Variants in CYP39A1 observed in about 807,000 individuals in gnomAD.
The protein encoded by CYP39A1 is cytochrome P450 family 39 subfamily A member 1.
Under a neutral mutation model 58.1 loss-of-function variants are expected in CYP39A1, and 49 were observed. The ratio of observed to expected loss-of-function variants is 0.84; its 90% CI spans 0.67 to 1.07. The LOEUF is 1.07. CYP39A1 is among the 50% of genes least tolerant of loss of function. CYP39A1 has a pLI of 0.00. For synonymous variants in CYP39A1, 209 were observed against 187.6 expected (o/e 1.11, Z -0.93); for missense variants, 531 against 539.4 (o/e 0.98, Z 0.16).
chr6:46,573,782 A>G (rs1223810878), intron 10 of CYP39A1, among the ~76,000 whole-genome samples: 1 of 152,208 alleles, frequency 6.6e-6, no homozygotes, highest in Non-Finnish European at 1.5e-5. Flanking sequence ...AGTGTCTGAG[A>G]CAGGCATTTG....
chr6:46,637,641 A>G (rs1776070379), intron 4 of CYP39A1, among the ~76,000 whole-genome samples, 188 bp downstream of exon 4: 1 of 152,222 alleles, frequency 6.6e-6, no homozygotes, highest in African/African-American at 2.4e-5. Flanking sequence ...TCATCACAAT[A>G]AGAAAAGCAT....
rs1197420064 is a variant in CYP39A1, at chr6:46,642,166, T to C, written c.310A>G (p.Thr104Ala). 3 of 1,612,544 alleles carry C rather than the reference T, an allele frequency of 1.9e-6. No individual in the cohort carries two copies. The highest frequency in any genetic ancestry group is 2.7e-5 in the African/African-American group (2 of 74,852). The change falls in exon 2 of 12, where the codon ACA becomes GCA. Residue 104 changes from threonine (T) to alanine (A), a missense_variant. Transcript: ENST00000275016. ...ELAVQNIVYR[T>A]ASIPKNVFLA... ...ACTATCTGAAAATATTCTTTACCTG[T>C]ACGATAAACGATATTTTGCACTGCT...
chr6:46,610,100 T>C (rs911482447), intron 7 of CYP39A1, among the ~76,000 whole-genome samples: 1 of 152,168 alleles, frequency 6.6e-6, no homozygotes, highest in Non-Finnish European at 1.5e-5. Context: ...GTAGATCGTT[T>C]GGGAAATTTT....
intron 7 of CYP39A1, among the ~76,000 whole-genome samples, chr6:46,619,632 G>A (rs1774834871): frequency 6.6e-6 from 1 of 152,000 alleles, no homozygotes; most frequent in Non-Finnish European, 1.5e-5. Flanking sequence ...AAGAGTTCCA[G>A]GCACAGGAAT....
At chr6:46,608,025 G>A (rs1316873892) in intron 7 of CYP39A1, among the ~76,000 whole-genome samples, 1 of 152,126 alleles carries the variant, frequency 6.6e-6, no homozygotes, top group African/African-American at 2.4e-5. Context: ...ATATACATGA[G>A]ATAATAGATG....
intron 6 of CYP39A1, among the ~76,000 whole-genome samples, chr6:46,626,091 GA>G (rs553640812): frequency 4.6e-5 from 7 of 151,374 alleles, no homozygotes; most frequent in Admixed American, 2.0e-4. Flanking sequence ...GTAAATAAAA[GA>G]AAAAAAATTT....
intron 7 of CYP39A1, among the ~76,000 whole-genome samples, chr6:46,621,556 G>T (rs944835706): frequency 1.3e-5 from 2 of 152,030 alleles, no homozygotes; most frequent in Non-Finnish European, 2.9e-5. Context: ...CAACAAATTA[G>T]ATAATCTAGA....
rs143112956 is a variant in CYP39A1 at position 46,615,476 on chromosome 6, T to C, written c.931+9942A>G. Among the ~76,000 whole-genome samples, 314 of 152,214 alleles carry C rather than the reference T, an allele frequency of 2.1e-3. 2 individuals are homozygous for C. Among genetic ancestry groups the C allele is most frequent in the African/African-American group, 7.4e-3 (307 of 41,548 alleles). On this transcript the variant is annotated intron_variant, in intron 7 of 11. Coordinates refer to ENST00000275016, the MANE Select transcript of CYP39A1 (RefSeq NM_016593.5). ...CTCATGATACTTCAAACTTGTCTAA[T>C]GACAGTTTTTTAAAACAGTGCAATA...
chr6:46,566,646 C>G (rs1771297425), intron 10 of CYP39A1, among the ~76,000 whole-genome samples: 1 of 151,900 alleles, frequency 6.6e-6, no homozygotes, highest in South Asian at 2.1e-4. Context: ...GGACACAAAG[C>G]CTAACTATAT....
intron 8 of CYP39A1, among the ~76,000 whole-genome samples, chr6:46,593,290 T>C (rs956246475): frequency 1.3e-5 from 2 of 152,096 alleles, no homozygotes; most frequent in African/African-American, 4.8e-5. Context: ...TCTGGCAAAG[T>C]TGTCAAAATA....
At chr6:46,578,393 A>G (rs1771952263) in intron 10 of CYP39A1, among the ~76,000 whole-genome samples, 1 of 152,080 alleles carries the variant, frequency 6.6e-6, no homozygotes, top group Non-Finnish European at 1.5e-5. Context: ...CCAACCCCAA[A>G]GCTAACAGAA....
At chr6:46,627,426 T>A (rs549089170) in intron 6 of CYP39A1, among the ~76,000 whole-genome samples, 1,465 of 124,732 alleles carry the variant, frequency 0.012, 15 homozygotes, top group African/African-American at 0.036. Flanking sequence ...TTATTTATTT[T>A]TTTTTTTTTT....
At chr6:46,619,424 A>G (rs946762763) in intron 7 of CYP39A1, among the ~76,000 whole-genome samples, 1 of 152,106 alleles carries the variant, frequency 6.6e-6, no homozygotes, top group Admixed American at 6.6e-5. Flanking sequence ...TGGTGGGGTA[A>G]ATACATAAAT....
chr6:46,625,590 T>A, intron 6 of CYP39A1, 82 bp from the exon 7 acceptor site: 6 of 987,020 alleles, frequency 6.1e-6, no homozygotes, highest in Non-Finnish European at 8.9e-6. Context: ...CATACATATA[T>A]TTTTTAAAAA....
intron 10 of CYP39A1, among the ~76,000 whole-genome samples, chr6:46,581,142 T>C (rs1772108217): frequency 6.6e-6 from 1 of 152,192 alleles, no homozygotes; most frequent in Admixed American, 6.5e-5. Context: ...GTGCAGTGGC[T>C]CATGCCTGTA....
At chr6:46,563,977 C>A (rs1771116096) in intron 10 of CYP39A1, among the ~76,000 whole-genome samples, 2 of 151,986 alleles carry the variant, frequency 1.3e-5, no homozygotes, top group African/African-American at 4.8e-5. Context: ...AAGGAAAACT[C>A]ATCTGTATGT....
At chr6:46,623,188 G>A (rs535883075) in intron 7 of CYP39A1, among the ~76,000 whole-genome samples, 9 of 99,930 alleles carry the variant, frequency 9.0e-5, no homozygotes, top group East Asian at 7.0e-4. Flanking sequence ...TGACTGGATC[G>A]GGGGTGCCCA....
chr6:46,609,336 G>GAGCTTGCAGTGAGCTGAGTCCGCGC (rs1367013386), intron 7 of CYP39A1, among the ~76,000 whole-genome samples: 1 of 151,336 alleles, frequency 6.6e-6, no homozygotes, highest in East Asian at 2.0e-4. Flanking sequence ...CCGGGAGGCG[G>GAGCTTGCAGTGAGCTGAGTCCGCGC]AGCTTGCAGT....
chr6:46,554,745 G>C (rs1770582881), intron 10 of CYP39A1, among the ~76,000 whole-genome samples: 2 of 152,104 alleles, frequency 1.3e-5, no homozygotes, highest in Non-Finnish European at 2.9e-5. Flanking sequence ...AGTCCAACGG[G>C]ACAGAACATT....
Sources: gnomAD v4.1 joint callset for allele counts (sites outside exome capture counted in the v4.1 genomes callset) on GRCh38, gnomAD v4.1.1 for gene constraint, MANE v1.5 for transcripts, NCBI Gene and HGNC (gene_info 2026-07-23, HGNC 2026-07-21) for gene names.